The following PREX1 variants were observed in gnomAD, a reference collection of about 807,000 sequenced individuals.
PREX1 encodes phosphatidylinositol-3,4,5-trisphosphate dependent Rac exchange factor 1, also known as phosphatidylinositol 3,4,5-trisphosphate-dependent Rac exchanger 1 protein.
In PREX1, 41 loss-of-function variants were observed where a neutral mutation model predicts 198.3. The observed-to-expected ratio is 0.21, with a 90% CI of 0.16 to 0.27. PREX1 has a LOEUF of 0.27. Among genes scored for constraint, PREX1 ranks in the 10% least tolerant of loss-of-function variants. PREX1 has a pLI of 1.00. For missense variants in PREX1, 1,620 were observed against 2,200.7 expected, an observed-to-expected ratio of 0.74 and a Z score of 5.28; for synonymous variants, 843 against 887.2, an observed-to-expected ratio of 0.95 and a Z score of 0.89.
At chr20:48,786,285 A>G (rs1322508171) in intron 1 of PREX1, among the ~76,000 whole-genome samples, 1 of 152,168 alleles carries the variant, frequency 6.6e-6, no homozygotes, top group Admixed American at 6.5e-5. Flanking sequence ...CTTTCAGGGC[A>G]TGTAGGTTTT....
intron 1 of PREX1, among the ~76,000 whole-genome samples, chr20:48,764,695 T>C (rs966865735): frequency 1.1e-4 from 17 of 150,432 alleles, no homozygotes; most frequent in African/African-American, 3.7e-4. Context: ...GGCGTGAGAA[T>C]TGCTTGAACA....
chr20:48,709,300 G>T (rs1367996956), intron 5 of PREX1, among the ~76,000 whole-genome samples: 2 of 152,210 alleles, frequency 1.3e-5, no homozygotes, highest in African/African-American at 4.8e-5. Flanking sequence ...AATAGCTCCA[G>T]TCTCTCCCCT....
intron 7 of PREX1, among the ~76,000 whole-genome samples, chr20:48,694,429 G>A (rs553573019): frequency 1.1e-3 from 166 of 152,332 alleles, no homozygotes; most frequent in African/African-American, 3.9e-3. Context: ...TTGCACTGCT[G>A]AACAAAACAT....
At chr20:48,737,535 A>G (rs1405979172) in intron 3 of PREX1, among the ~76,000 whole-genome samples, 1 of 152,158 alleles carries the variant, frequency 6.6e-6, no homozygotes, top group African/African-American at 2.4e-5. Context: ...AGAAGGAGGA[A>G]CGGAGAGGCT....
intron 4 of PREX1, among the ~76,000 whole-genome samples, chr20:48,734,282 TC>T (rs2090047413): frequency 6.6e-6 from 1 of 152,178 alleles, no homozygotes; most frequent in African/African-American, 2.4e-5. Context: ...CACCCACTCC[TC>T]TACACATTCT....
intron 10 of PREX1, among the ~76,000 whole-genome samples, chr20:48,687,810 G>GT (rs1200967343): frequency 5.3e-5 from 8 of 152,284 alleles, no homozygotes; most frequent in African/African-American, 1.7e-4. Flanking sequence ...TGACCTGCGT[G>GT]TAAGAGCCAG....
chr20:48,771,038 G>A (rs2090233159), intron 1 of PREX1, among the ~76,000 whole-genome samples: 1 of 152,040 alleles, frequency 6.6e-6, no homozygotes, highest in African/African-American at 2.4e-5. Context: ...CTTTCATCAG[G>A]AAAATTAATA....
At chr20:48,807,213 C>G (rs2090415634) in intron 1 of PREX1, among the ~76,000 whole-genome samples, 1 of 152,228 alleles carries the variant, frequency 6.6e-6, no homozygotes, top group Non-Finnish European at 1.5e-5. Context: ...CCCCCCCATT[C>G]TCAGCCTGAG....
chr20:48,711,317 T>C (rs11906422), intron 5 of PREX1, among the ~76,000 whole-genome samples: 2,789 of 152,242 alleles, frequency 0.018, 92 homozygotes, highest in African/African-American at 0.064. Context: ...AGTTACAATA[T>C]AAGACCGTGA....
intron 1 of PREX1, among the ~76,000 whole-genome samples, chr20:48,763,509 GC>G (rs2090193925): frequency 6.6e-6 from 1 of 152,226 alleles, no homozygotes; most frequent in Non-Finnish European, 1.5e-5. Flanking sequence ...TCTCTGTGGG[GC>G]TGACACTTGA....
rs1174217472 is a variant in PREX1, at chr20:48,630,850, C to T, written c.4527-56G>A. On this transcript the variant is annotated intron_variant, in intron 35 of 39. Transcript: ENST00000371941. ...GCCACCACACCCACCATCCTCCTGCCCCTACCCAGGTCTCAACTCCTGCAG... is the reference window on the plus strand; with the variant it reads ...GCCACCACACCCACCATCCTCCTGCTCCTACCCAGGTCTCAACTCCTGCAG... 8 of 1,376,632 alleles carry T rather than the reference C, an allele frequency of 5.8e-6. No homozygotes were observed. The East Asian group carries it at 1.8e-4, about 32-fold the overall frequency. The allele number at this position is 1,376,632 out of a possible 1,614,324, so 85.3% of individuals were successfully genotyped here. A position where few individuals can be genotyped will look rare whatever the true frequency, so the allele number is the denominator to read the frequency against.
At chr20:48,703,938 C>G (rs575114705) in intron 6 of PREX1, among the ~76,000 whole-genome samples, 181 of 152,344 alleles carry the variant, frequency 1.2e-3, no homozygotes, top group Non-Finnish European at 2.3e-3. Context: ...GGCTGAGCAC[C>G]AAGACATGTG....
At chr20:48,777,875 G>A (rs182669077) in intron 1 of PREX1, among the ~76,000 whole-genome samples, 14 of 152,228 alleles carry the variant, frequency 9.2e-5, no homozygotes, top group East Asian at 1.9e-4. Context: ...CATCATTATC[G>A]GGATTATCAG....
chr20:48,652,505 G>T, intron 21 of PREX1, 81 bp downstream of exon 21: 1 of 1,472,970 alleles, frequency 6.8e-7, no homozygotes, highest in Non-Finnish European at 9.1e-7. Flanking sequence ...GGGGAGGGGA[G>T]GGGACAACAG....
intron 1 of PREX1, among the ~76,000 whole-genome samples, chr20:48,760,467 T>A (rs932648054): frequency 6.6e-6 from 1 of 152,024 alleles, no homozygotes; most frequent in African/African-American, 2.4e-5. Flanking sequence ...CCCATCCTCC[T>A]TGCTGACTGC....
At chr20:48,743,199 G>A (rs925919452) in intron 3 of PREX1, among the ~76,000 whole-genome samples, 1 of 152,186 alleles carries the variant, frequency 6.6e-6, no homozygotes, top group African/African-American at 2.4e-5. Flanking sequence ...AAGGTCACTG[G>A]GCTGGCGAGC....
intron 5 of PREX1, among the ~76,000 whole-genome samples, chr20:48,711,991 G>T (rs1262105273): frequency 6.6e-6 from 1 of 152,206 alleles, no homozygotes; most frequent in East Asian, 1.9e-4. Flanking sequence ...CCACCATGCT[G>T]CCCTGGACTG....
intron 1 of PREX1, among the ~76,000 whole-genome samples, chr20:48,753,782 A>C (rs1445079682): frequency 9.2e-5 from 14 of 152,154 alleles, no homozygotes; most frequent in Non-Finnish European, 2.9e-5. Flanking sequence ...TTTTCCCAAG[A>C]CATTCAATTG....
chr20:48,770,264 C>G (rs1429471122), intron 1 of PREX1, among the ~76,000 whole-genome samples: 1 of 152,140 alleles, frequency 6.6e-6, no homozygotes, highest in Non-Finnish European at 1.5e-5. Flanking sequence ...CTCAAGAGGT[C>G]TGGAAAAGCC....
Sources: allele counts gnomAD v4.1 joint callset (sites outside exome capture counted in the v4.1 genomes callset), GRCh38; gene constraint gnomAD v4.1.1; transcripts MANE v1.5; gene names NCBI Gene and HGNC (gene_info 2026-07-23, HGNC 2026-07-21).